Variants in RPH3AL observed in about 807,000 individuals in gnomAD.
RPH3AL encodes the protein rab effector Noc2.
A neutral mutation model predicts 43.1 loss-of-function variants in RPH3AL; 38 were observed. That is an observed-to-expected ratio of 0.88 (90% CI 0.68 to 1.15). The LOEUF is 1.15. Among genes scored for constraint, RPH3AL ranks in the 50% most tolerant of loss-of-function variants. The pLI is 0.00. For synonymous variants in RPH3AL, 189 were observed against 176.3 expected, an observed-to-expected ratio of 1.07 and a Z score of -0.57; for missense variants, 462 against 423.2, an observed-to-expected ratio of 1.09 and a Z score of -0.81.
At chr17:232,015 C>T (rs955775999) in intron 7 of RPH3AL, among the ~76,000 whole-genome samples, 5 of 152,232 alleles carry the variant, frequency 3.3e-5, no homozygotes, top group African/African-American at 1.2e-4. Flanking sequence ...TGGGGGCGGC[C>T]CCTCCATTCA....
intron 4 of RPH3AL, among the ~76,000 whole-genome samples, chr17:321,022 AGCATGGGGC>A (rs2044455688): frequency 6.6e-6 from 1 of 152,176 alleles, no homozygotes; most frequent in East Asian, 1.9e-4. Context: ...TCACGCCCTC[AGCATGGGGC>A]GCACAGCTCA....
At chr17:317,737 T>A (rs1479713578) in intron 5 of RPH3AL, among the ~76,000 whole-genome samples, 2 of 152,258 alleles carry the variant, frequency 1.3e-5, no homozygotes, top group African/African-American at 4.8e-5. Flanking sequence ...CTGGCTTTCC[T>A]GCTTACTAAT....
intron 6 of RPH3AL, among the ~76,000 whole-genome samples, chr17:270,188 C>A (rs568452282): frequency 6.6e-6 from 1 of 152,326 alleles, no homozygotes; most frequent in African/African-American, 2.4e-5. Context: ...CGCCCCAGCA[C>A]CAGCCACCCA....
intron 7 of RPH3AL, among the ~76,000 whole-genome samples, chr17:235,229 T>TCTGCACTAACAAGATGGATC (rs2041337966): frequency 7.0e-6 from 1 of 141,908 alleles, no homozygotes; most frequent in African/African-American, 2.7e-5. Context: ...CGGCGGAGGC[T>TCTGCACTAACAAGATGGATC]CCGCACTAAC....
rs549732367 is a variant in RPH3AL, at chr17:285,547, C to T, written c.352-3693G>A. Among the ~76,000 whole-genome samples the T allele has an allele frequency of 3.2e-4, 49 of 152,290 alleles. 1 individual carries two copies. The South Asian group carries it at 9.5e-3, about 30-fold the overall frequency. Reference sequence around the variant, plus strand: ...TCCTCTAGTCCCACACGATCTAATACGGTAGCCACCAGCTGCAGGTGGCTA... The same window carrying T: ...TCCTCTAGTCCCACACGATCTAATATGGTAGCCACCAGCTGCAGGTGGCTA... On this transcript the variant is annotated intron_variant, in intron 5 of 9. Transcript: ENST00000331302.
intron 1 of RPH3AL, among the ~76,000 whole-genome samples, chr17:350,126 G>A (rs185417025): frequency 2.0e-4 from 30 of 152,314 alleles, no homozygotes; most frequent in African/African-American, 6.7e-4. Flanking sequence ...TTCTTCCTCT[G>A]TACAACAGAG....
chr17:317,632 C>G (rs756173476), intron 5 of RPH3AL, among the ~76,000 whole-genome samples: 8 of 152,178 alleles, frequency 5.3e-5, no homozygotes, highest in Non-Finnish European at 1.2e-4. Context: ...CATCTCCCCT[C>G]CAGTATTTTT....
At chr17:275,240 AAC>A (rs750114528) in intron 6 of RPH3AL, among the ~76,000 whole-genome samples, 1,817 of 84,856 alleles carry the variant, frequency 0.021, 39 homozygotes, top group African/African-American at 0.047. Flanking sequence ...CAGCAAAAAA[AAC>A]AAAAAACAAA....
In RPH3AL at chr17:328,265, T is replaced by C. The variant is rs1331024420; in HGVS notation, c.-36-686A>G. Among the ~76,000 whole-genome samples, 1 of 149,218 alleles carries C rather than the reference T, an allele frequency of 6.7e-6. No homozygotes were observed. Among genetic ancestry groups the C allele is most frequent in the African/African-American group, 2.5e-5 (1 of 40,444 alleles). On this transcript the variant is annotated intron_variant, in intron 2 of 9. Transcript: ENST00000331302. This position sits in a 1 kb window ranked among gnomAD's most constrained non-coding sequence, Gnocchi z 4.2. ...TGTGCACTGTCTAGTGTGCCGGCTT[T>C]CTCCCTGCCTCCCAGGACAGGATTG... is the stretch of plus-strand genomic sequence containing the variant.
chr17:316,906 A>T (rs1359565907), intron 5 of RPH3AL, among the ~76,000 whole-genome samples: 1 of 139,318 alleles, frequency 7.2e-6, no homozygotes, highest in African/African-American at 2.8e-5. Flanking sequence ...CCTGTGCTCC[A>T]CCTCCACTGA....
At position 322,111 on chromosome 17, in the gene RPH3AL, G is replaced by A. The variant is rs1489072429; in HGVS notation, c.78-696C>T. On this transcript the variant is annotated intron_variant, in intron 3 of 9. Transcript: ENST00000331302. This position sits in a 1 kb window ranked among gnomAD's most constrained non-coding sequence, Gnocchi z 4.0. The stretch of plus-strand genomic sequence containing the variant: ...AGTTACAGAAGAGGAGCCGTGGTGA[G>A]GGCAGGTGAGGGCGGGCAACGGCGA... Among the ~76,000 whole-genome samples, 1 of 152,200 alleles carries A rather than the reference G, an allele frequency of 6.6e-6. No homozygotes were observed. The highest frequency in any genetic ancestry group is 2.4e-5 in the African/African-American group (1 of 41,456).
At chr17:272,536 A>T (rs1286942412) in intron 6 of RPH3AL, among the ~76,000 whole-genome samples, 1 of 142,134 alleles carries the variant, frequency 7.0e-6, no homozygotes, top group East Asian at 2.2e-4. Flanking sequence ...GTTCTCACTC[A>T]TAGGTGGGAA....
rs563452768 is a variant in RPH3AL, at chr17:307,428, C to T, written c.351+11992G>A. On this transcript the variant is annotated intron_variant, in intron 5 of 9. Transcript: ENST00000331302. Reference sequence around the variant, plus strand: ...TCCTCCCCACGGCAGATCCTCCCCACGGCAGGTCCTCCCCACAGCAGGTCT... The same window carrying T: ...TCCTCCCCACGGCAGATCCTCCCCATGGCAGGTCCTCCCCACAGCAGGTCT... Among the ~76,000 whole-genome samples the T allele has an allele frequency of 4.8e-4, 73 of 151,046 alleles. 1 individual carries two copies. The highest frequency in any genetic ancestry group is 1.7e-3 in the African/African-American group (71 of 41,084).
At chr17:214,915 AG>A (rs1246390252) in intron 9 of RPH3AL, among the ~76,000 whole-genome samples, 3 of 151,970 alleles carry the variant, frequency 2.0e-5, no homozygotes, top group African/African-American at 4.8e-5. Flanking sequence ...GGCTAGAGGG[AG>A]GGGGCAGGGT....
rs79360116 is a variant in RPH3AL, at chr17:273,184, G to T, written c.438+8584C>A. ...AGGGTGAGACCCCAGCGCGGGTGAC[G>T]TCAGGGAGAGACCCCAGCGAGGGTG... On this transcript the variant is annotated intron_variant, in intron 6 of 9. Coordinates refer to ENST00000331302, the MANE Select transcript of RPH3AL (RefSeq NM_006987.4). 6.0e-3 allele frequency among the ~76,000 whole-genome samples: 64 copies of T among 10,730 alleles called. 18 individuals carry two copies. In the East Asian group the frequency reaches 0.08, roughly 13 times the overall value. 7.0% of individuals were successfully genotyped at this position (10,730 alleles called of 152,430 possible).
chr17:283,074 C>G lies in RPH3AL; in HGVS notation c.352-1220G>C, dbSNP rs558861011. The stretch of plus-strand genomic sequence containing the variant: ...CCCAGGCAGAGTCTGATTCAGCGAT[C>G]GCTGGCGACTCCTCAGGACTGTTGC... On this transcript the variant is annotated intron_variant, in intron 5 of 9. Coordinates refer to ENST00000331302, the MANE Select transcript of RPH3AL (RefSeq NM_006987.4). This position sits in a 1 kb window ranked among gnomAD's most constrained non-coding sequence, Gnocchi z 4.2. Among the ~76,000 whole-genome samples the G allele has an allele frequency of 6.6e-6, 1 of 152,272 alleles. No homozygotes were observed. The highest frequency in any genetic ancestry group is 2.1e-4 in the South Asian group (1 of 4,826).
chr17:306,730 GC>G (rs2043497028), intron 5 of RPH3AL: 1 of 152,998 alleles, frequency 6.5e-6, no homozygotes, highest in Admixed American at 6.6e-5. Context: ...CACAAGCCCA[GC>G]CCCTGCGCCC....
chr17:325,739 G>C (rs540597247), intron 3 of RPH3AL, among the ~76,000 whole-genome samples: 5 of 152,224 alleles, frequency 3.3e-5, no homozygotes, highest in Middle Eastern at 3.2e-3. Flanking sequence ...CCTGTTCACT[G>C]CTGTGCAGTC....
intron 8 of RPH3AL, among the ~76,000 whole-genome samples, chr17:219,096 G>C (rs1384156918): frequency 6.6e-6 from 1 of 151,630 alleles, no homozygotes; most frequent in East Asian, 1.9e-4. Flanking sequence ...CCCATCCCTA[G>C]GCCTGCTTCT....
Sources: allele counts gnomAD v4.1 joint callset (sites outside exome capture counted in the v4.1 genomes callset), GRCh38; gene constraint gnomAD v4.1.1; non-coding constraint Gnocchi (gnomAD v3.1); transcripts MANE v1.5; gene names NCBI Gene and HGNC (gene_info 2026-07-23, HGNC 2026-07-21).